The following ZNF568 variants were observed in gnomAD, a reference collection of about 807,000 sequenced individuals.
The protein encoded by ZNF568 is zinc finger protein 568.
In ZNF568, 11 loss-of-function variants were observed where a neutral mutation model predicts 18.1. The ratio of observed to expected loss-of-function variants is 0.61; its 90% CI spans 0.38 to 1.00. The LOEUF (loss-of-function observed/expected upper bound fraction) is 1.00, where lower values mean the gene tolerates loss of function less well. Among genes scored for constraint, ZNF568 ranks in the 50% least tolerant of loss-of-function variants. The probability of loss-of-function intolerance (pLI) is 0.01; values close to 1 mark genes in which losing one functional copy is unlikely to be tolerated. For missense variants in ZNF568, 639 were observed against 768.2 expected (o/e 0.83, Z 1.99); for synonymous variants, 213 against 246.6 (o/e 0.86, Z 1.28).
chr19:36,979,171 C>T (rs531311243), exon 8 of ZNF568: 25 of 204,138 alleles, frequency 1.2e-4, no homozygotes, highest in African/African-American at 4.3e-4. Context: ...TTTATAGAGA[C>T]GGGGTTTCTC....
intron 4 of ZNF568, among the ~76,000 whole-genome samples, chr19:36,927,874 A>G (rs563289233): frequency 4.0e-4 from 22 of 55,444 alleles, no homozygotes; most frequent in Admixed American, 3.2e-3. Context: ...ATATATATAT[A>G]TATATATATA....
At chr19:36,984,868 T>G (rs1226527453), downstream of ZNF568, among the ~76,000 whole-genome samples, 1 of 152,126 alleles carries the variant, frequency 6.6e-6, no homozygotes, top group Non-Finnish European at 1.5e-5. Context: ...GTATTCTCTT[T>G]GTATTTAGTG....
At chr19:36,965,713 T>C (rs1047111355) in intron 6 of ZNF568, among the ~76,000 whole-genome samples, 5 of 99,918 alleles carry the variant, frequency 5.0e-5, no homozygotes, top group Non-Finnish European at 8.2e-5. Context: ...ACTTTTTTTT[T>C]TTTTTTTTTT....
chr19:36,936,412 C>T (rs1373616259), intron 4 of ZNF568, among the ~76,000 whole-genome samples: 1 of 143,956 alleles, frequency 6.9e-6, no homozygotes, highest in Non-Finnish European at 1.5e-5. Flanking sequence ...TCTAGTAAAT[C>T]TTGTGTCATT....
chr19:36,950,512 A>G lies in ZNF568; in HGVS notation c.1359A>G (p.Lys453=), dbSNP rs762860842. 19 of 1,613,950 alleles carry G rather than the reference A, an allele frequency of 1.2e-5. No homozygotes were observed. Among genetic ancestry groups the G allele is most frequent in the Middle Eastern group, 1.6e-4 (1 of 6,082 alleles). The part of the protein sequence containing the change: ...EKPYECKECG[K]AFSRKENLIT... ...CCTATGAATGTAAGGAATGTGGAAAAGCCTTCAGCAGGAAAGAAAATCTCA... is the reference window on the plus strand; with the variant it reads ...CCTATGAATGTAAGGAATGTGGAAAGGCCTTCAGCAGGAAAGAAAATCTCA... Residue 453 remains lysine (K), a synonymous_variant, in exon 7 of 7, where the codon AAA becomes AAG. Transcript: ENST00000333987.
intron 2 of ZNF568, among the ~76,000 whole-genome samples, chr19:36,986,165 G>A (rs2074374789): frequency 6.6e-6 from 1 of 152,136 alleles, no homozygotes; most frequent in Non-Finnish European, 1.5e-5. Context: ...TTCCTCAGAG[G>A]AAAATGTTTC....
intron 2 of ZNF568, among the ~76,000 whole-genome samples, chr19:36,988,206 C>T (rs2074393020): frequency 6.6e-6 from 1 of 152,044 alleles, no homozygotes; most frequent in African/African-American, 2.4e-5. Context: ...CTCCCACCTC[C>T]ACCTCCCAAA....
In ZNF568 at chr19:36,950,379, T is replaced by C. The variant is rs1466111215; in HGVS notation, c.1226T>C (p.Met409Thr). ...FSQCSVFIIH[M>T]RSHTGEKPYV... is the part of the protein sequence containing the mutation. ...CAATGCTCAGTATTTATTATACATATGAGAAGTCACACTGGTGAGAAACCC... is the reference window on the plus strand; with the variant it reads ...CAATGCTCAGTATTTATTATACATACGAGAAGTCACACTGGTGAGAAACCC... The change falls in exon 7 of 7, where the codon ATG (methionine) becomes ACG (threonine). Residue 409 changes from methionine to threonine, a missense_variant. Physicochemically the swap from Met to Thr is moderately conservative, Grantham distance 81 (BLOSUM62 -1). Coordinates refer to ENST00000333987, the MANE Select transcript of ZNF568 (RefSeq NM_198539.4). 7.4e-6 allele frequency: 12 copies of C among 1,613,774 alleles called. No individual in the cohort carries two copies. The Admixed American group carries it at 1.3e-4, about 18-fold the overall frequency.
downstream of ZNF568, chr19:36,997,737 C>T: frequency 1.4e-6 from 1 of 710,006 alleles, no homozygotes; most frequent in Non-Finnish European, 2.3e-6. Flanking sequence ...AGGGATGGCT[C>T]AGAATTTGAT....
At chr19:36,956,388 G>C (rs1302167370), downstream of ZNF568, among the ~76,000 whole-genome samples, 2 of 152,142 alleles carry the variant, frequency 1.3e-5, no homozygotes, top group African/African-American at 2.4e-5. Flanking sequence ...CCCAGCTCTA[G>C]AGCTCCCCAG....
chr19:36,931,463 G>A (rs1430519027), intron 4 of ZNF568: 1 of 152,168 alleles, frequency 6.6e-6, no homozygotes, highest in Non-Finnish European at 1.5e-5. Flanking sequence ...CTTGGCTCAG[G>A]TGATCCTCCC....
intron 4 of ZNF568, among the ~76,000 whole-genome samples, chr19:36,934,391 C>T (rs1429010767): frequency 6.6e-6 from 1 of 150,896 alleles, no homozygotes; most frequent in African/African-American, 2.4e-5. Context: ...TCAGTGCAGC[C>T]TTGATCTCCC....
chr19:36,953,093 G>A (rs553888498), downstream of ZNF568, among the ~76,000 whole-genome samples: 2 of 152,084 alleles, frequency 1.3e-5, no homozygotes, highest in South Asian at 4.1e-4. Flanking sequence ...TACTAGCTCC[G>A]GGCATCATGT....
intron 6 of ZNF568, among the ~76,000 whole-genome samples, chr19:36,958,900 C>T (rs565656351): frequency 1.5e-4 from 23 of 152,198 alleles, no homozygotes; most frequent in African/African-American, 5.3e-4. Flanking sequence ...AGATTACAGG[C>T]GTGAGCCACC....
At chr19:36,971,017 C>A (rs1667331) in intron 6 of ZNF568, among the ~76,000 whole-genome samples, 1 of 151,538 alleles carries the variant, frequency 6.6e-6, no homozygotes, top group Admixed American at 6.6e-5. Context: ...CTGAGGTGGG[C>A]GGATCACCTG....
At chr19:36,948,830 C>T (rs183040231) in intron 6 of ZNF568, among the ~76,000 whole-genome samples, 21 of 152,024 alleles carry the variant, frequency 1.4e-4, no homozygotes, top group Middle Eastern at 3.4e-3. Flanking sequence ...AGCAGTAATG[C>T]GAGGGAACAT....
At chr19:36,937,901 C>G (rs1013398784) in intron 6 of ZNF568, among the ~76,000 whole-genome samples, 1 of 152,096 alleles carries the variant, frequency 6.6e-6, no homozygotes, top group African/African-American at 2.4e-5. Context: ...ACCTATAATA[C>G]CAATATTATA....
At position 36,950,741 on chromosome 19, in the gene ZNF568, TATC is replaced by T. The variant is rs2074045931; in HGVS notation, c.1591_1593del (p.His531del). 2.5e-6 allele frequency: 4 copies of T among 1,613,710 alleles called. No homozygotes were observed. The highest frequency in any genetic ancestry group is 2.5e-6 in the Non-Finnish European group (3 of 1,179,966). On this transcript the variant is annotated inframe_deletion, in exon 7 of 7. Coordinates refer to ENST00000333987, the MANE Select transcript of ZNF568 (RefSeq NM_198539.4). ...GAAAATTCATACTGGAGAGAAACCT[TATC>T]ATTGTAATCAATGTGGGAAAGCTTT...
Position 36,944,779 on chromosome 19 carries a change from T to G in ZNF568, c.359-4733T>G, listed in dbSNP as rs191539651. On this transcript the variant is annotated intron_variant, in intron 6 of 6. Coordinates refer to ENST00000333987, the MANE Select transcript of ZNF568 (RefSeq NM_198539.4). ...AACACTGATTAATCTATCTTCTTTCTTTATATATTAATTTCAAATTAACAG... is the reference window on the plus strand; with the variant it reads ...AACACTGATTAATCTATCTTCTTTCGTTATATATTAATTTCAAATTAACAG... Among the ~76,000 whole-genome samples the G allele has an allele frequency of 2.6e-5, 4 of 152,304 alleles. 1 individual carries two copies. Among genetic ancestry groups the G allele is most frequent in the Admixed American group, 1.3e-4 (2 of 15,304 alleles).
Sources: gnomAD v4.1 joint callset for allele counts (sites outside exome capture counted in the v4.1 genomes callset) on GRCh38, gnomAD v4.1.1 for gene constraint, MANE v1.5 for transcripts, NCBI Gene and HGNC (gene_info 2026-07-23, HGNC 2026-07-21) for gene names.